MPPED2: variants seen among roughly 807,000 people sequenced by gnomAD.
MPPED2 encodes metallophosphoesterase domain containing 2, also known as metallophosphoesterase MPPED2.
Under a neutral mutation model 33.0 loss-of-function variants are expected in MPPED2, and 5 were observed. The observed-to-expected ratio is 0.15, with a 90% CI of 0.08 to 0.32. The LOEUF (loss-of-function observed/expected upper bound fraction) is 0.32, where lower values mean the gene tolerates loss of function less well. Among genes scored for constraint, MPPED2 ranks in the 10% least tolerant of loss-of-function variants. The pLI is 1.00. For synonymous variants in MPPED2, 136 were observed against 141.9 expected, an observed-to-expected ratio of 0.96 and a Z score of 0.29; for missense variants, 275 against 372.1, an observed-to-expected ratio of 0.74 and a Z score of 2.15.
chr11:30,497,238 C>A (rs1268125890), intron 3 of MPPED2, among the ~76,000 whole-genome samples: 1 of 152,138 alleles, frequency 6.6e-6, no homozygotes, highest in African/African-American at 2.4e-5. Flanking sequence ...TTGCACAATT[C>A]CAGAACTTCA....
chr11:30,494,306 G>C (rs997876438), intron 4 of MPPED2, among the ~76,000 whole-genome samples: 38 of 152,072 alleles, frequency 2.5e-4, no homozygotes, highest in African/African-American at 8.7e-4. Flanking sequence ...CTATGTGAAG[G>C]GTAGCATGGT....
intron 2 of MPPED2, among the ~76,000 whole-genome samples, chr11:30,546,065 C>T (rs1955408918): frequency 6.6e-6 from 1 of 152,182 alleles, no homozygotes; most frequent in Admixed American, 6.5e-5. Flanking sequence ...GGTGATCTGC[C>T]TGCCTTGGCC....
At chr11:30,573,823 C>T (rs767187603) in intron 2 of MPPED2, among the ~76,000 whole-genome samples, 1 of 151,948 alleles carries the variant, frequency 6.6e-6, no homozygotes, top group Non-Finnish European at 1.5e-5. Flanking sequence ...ATTCCCTTCC[C>T]ACCATGTCTT....
chr11:30,540,563 T>C (rs1955042249), intron 2 of MPPED2, among the ~76,000 whole-genome samples: 1 of 152,206 alleles, frequency 6.6e-6, no homozygotes, highest in Non-Finnish European at 1.5e-5. Flanking sequence ...TTACTACTAT[T>C]AGTAGTAGTA....
chr11:30,388,630 T>C, exon 7 of MPPED2: 1 of 299,244 alleles, frequency 3.3e-6, no homozygotes, highest in South Asian at 8.0e-5. Flanking sequence ...CTTCCTGCAG[T>C]GGCCCTTTAT....
chr11:30,558,137 C>G (rs1399320724), intron 2 of MPPED2, among the ~76,000 whole-genome samples: 1 of 151,986 alleles, frequency 6.6e-6, no homozygotes, highest in Admixed American at 6.6e-5. Context: ...CACACATATA[C>G]ACACACACAC....
At chr11:30,551,752 G>A (rs1181701920) in intron 2 of MPPED2, among the ~76,000 whole-genome samples, 2 of 152,100 alleles carry the variant, frequency 1.3e-5, no homozygotes, top group East Asian at 1.9e-4. Context: ...CAAACAGCAT[G>A]GATTTAAATC....
intron 3 of MPPED2, among the ~76,000 whole-genome samples, chr11:30,525,144 C>T (rs1331545517): frequency 6.6e-6 from 1 of 152,142 alleles, no homozygotes; most frequent in Non-Finnish European, 1.5e-5. Context: ...GCCTCATTTA[C>T]AAAATGGGGA....
chr11:30,518,204 T>C (rs1953646969), intron 3 of MPPED2, among the ~76,000 whole-genome samples: 1 of 152,328 alleles, frequency 6.6e-6, no homozygotes, highest in South Asian at 2.1e-4. Context: ...CCAGCCTCTC[T>C]GAGACACATA....
At chr11:30,520,744 G>A (rs918139062) in intron 3 of MPPED2, among the ~76,000 whole-genome samples, 7 of 152,068 alleles carry the variant, frequency 4.6e-5, no homozygotes, top group South Asian at 2.1e-4. Flanking sequence ...CACTTTTTAC[G>A]TTAAAAAATA....
At chr11:30,579,828 GAA>G (rs10589055) in intron 2 of MPPED2, among the ~76,000 whole-genome samples, 10,972 of 145,374 alleles carry the variant, frequency 0.075, 808 homozygotes, top group African/African-American at 0.19. Flanking sequence ...TGAGGTGTGG[GAA>G]AAAAAAAAAA....
At chr11:30,399,044 C>T (rs1338627763) in intron 6 of MPPED2, among the ~76,000 whole-genome samples, 3 of 152,104 alleles carry the variant, frequency 2.0e-5, no homozygotes, top group Admixed American at 6.6e-5. Flanking sequence ...TGGCGGCCAG[C>T]TCTTCTACAA....
intron 4 of MPPED2, among the ~76,000 whole-genome samples, chr11:30,466,554 G>A (rs1414200099): frequency 6.6e-6 from 1 of 152,178 alleles, no homozygotes; most frequent in Non-Finnish European, 1.5e-5. Flanking sequence ...AGGTCAATCT[G>A]CCCTTTGATG....
intron 2 of MPPED2, among the ~76,000 whole-genome samples, chr11:30,542,647 T>TA (rs1438314182): frequency 6.6e-6 from 1 of 151,712 alleles, no homozygotes; most frequent in Admixed American, 6.6e-5. Flanking sequence ...AAAATAAAAA[T>TA]AAAATAAAAT....
chr11:30,527,504 T>A (rs182143406), intron 3 of MPPED2, among the ~76,000 whole-genome samples: 7 of 144,072 alleles, frequency 4.9e-5, no homozygotes, highest in African/African-American at 1.8e-4. Context: ...GGAGAGAGAG[T>A]GGGTCAGAAT....
intron 4 of MPPED2, among the ~76,000 whole-genome samples, chr11:30,459,960 G>C (rs1175618469): frequency 6.6e-6 from 1 of 152,192 alleles, no homozygotes; most frequent in Non-Finnish European, 1.5e-5. Flanking sequence ...CTTTATTTGA[G>C]AGTCAGCCTG....
At chr11:30,386,995 C>G (rs1239832583) in exon 7 of MPPED2, 2 of 382,444 alleles carry the variant, frequency 5.2e-6, no homozygotes, top group Non-Finnish European at 9.2e-6. Flanking sequence ...GATCAGAAAA[C>G]AAGGCCACAT....
rs556186432 is a variant in MPPED2 at position 30,431,881 on chromosome 11, C to T, written c.537-14248G>A. ...ACAGACTGCATTTTCATTTCAAATTCCACTTTTTTTCAGCCGGGCACGGTG... is the reference window on the plus strand; with the variant it reads ...ACAGACTGCATTTTCATTTCAAATTTCACTTTTTTTCAGCCGGGCACGGTG... On this transcript the variant is annotated intron_variant, in intron 4 of 6. Coordinates refer to ENST00000358117, the MANE Select transcript of MPPED2 (RefSeq NM_001584.3). Among the ~76,000 whole-genome samples, 349 of 152,276 alleles carry T rather than the reference C, an allele frequency of 2.3e-3. 1 individual carries two copies. Among genetic ancestry groups the T allele is most frequent in the Non-Finnish European group, 3.1e-3 (214 of 68,014 alleles).
At chr11:30,528,328 T>A (rs965273013) in intron 3 of MPPED2, among the ~76,000 whole-genome samples, 3 of 152,212 alleles carry the variant, frequency 2.0e-5, no homozygotes, top group Non-Finnish European at 4.4e-5. Flanking sequence ...CGATCTTGGC[T>A]CACTGCAACC....
Sources: gnomAD v4.1 joint callset for allele counts (sites outside exome capture counted in the v4.1 genomes callset) on GRCh38, gnomAD v4.1.1 for gene constraint, MANE v1.5 for transcripts, NCBI Gene and HGNC (gene_info 2026-07-23, HGNC 2026-07-21) for gene names.